SNAP91: variants seen among roughly 807,000 people sequenced by gnomAD.
The protein encoded by SNAP91 is clathrin coat assembly protein AP180.
SNAP91 carries 27 observed loss-of-function variants against 100.3 expected under a neutral mutation model. That is an observed-to-expected ratio of 0.27 (90% CI 0.20 to 0.37). The LOEUF (loss-of-function observed/expected upper bound fraction) is 0.37. Among genes scored for constraint, SNAP91 ranks in the 10% least tolerant of loss-of-function variants. The pLI is 1.00. For missense variants in SNAP91, 986 were observed against 1,123.7 expected, an observed-to-expected ratio of 0.88 and a Z score of 1.75; for synonymous variants, 404 against 398.6, an observed-to-expected ratio of 1.01 and a Z score of -0.16.
intron 7 of SNAP91, among the ~76,000 whole-genome samples, chr6:83,647,369 T>G (rs936661791): frequency 3.9e-5 from 6 of 152,202 alleles, no homozygotes; most frequent in African/African-American, 1.4e-4. Flanking sequence ...AAGTTCCCCA[T>G]CTATTCTTAG....
At chr6:83,651,809 T>A (rs1410779608) in intron 7 of SNAP91, among the ~76,000 whole-genome samples, 2 of 152,178 alleles carry the variant, frequency 1.3e-5, no homozygotes, top group Admixed American at 6.5e-5. Context: ...ATTTTCTGCC[T>A]CCTGAATCTG....
rs1017559267 is a variant in SNAP91 at position 83,607,713 on chromosome 6, C to T, written c.1008G>A (p.Ala336=). ...PPVDLFATAS[A]AVPVSTSKPS... ...TATTTACCAACCTGACTGGGACAGC[C>T]GCAGATGCAGTTGCAAATAAATCAA... The change falls in exon 13 of 30, where the codon GCG becomes GCA. Residue 336 remains alanine (A), a synonymous_variant. Coordinates refer to ENST00000369694, the MANE Select transcript of SNAP91 (RefSeq NM_001242792.2). The T allele has an allele frequency of 5.1e-6, 8 of 1,577,086 alleles. No individual in the cohort carries two copies. Among genetic ancestry groups the T allele is most frequent in the East Asian group, 2.3e-5 (1 of 43,378 alleles).
chr6:83,569,950 G>C (rs979168474), intron 26 of SNAP91, among the ~76,000 whole-genome samples: 1 of 151,988 alleles, frequency 6.6e-6, no homozygotes, highest in Non-Finnish European at 1.5e-5. Flanking sequence ...GGTATGTCTT[G>C]ATCAGCAGTG....
chr6:83,691,085 C>T (rs907407112), intron 2 of SNAP91, among the ~76,000 whole-genome samples: 2 of 151,982 alleles, frequency 1.3e-5, no homozygotes, highest in Admixed American at 6.6e-5. Flanking sequence ...AAATACATAA[C>T]AACACATATG....
intron 4 of SNAP91, among the ~76,000 whole-genome samples, 174 bp downstream of exon 4, chr6:83,662,173 T>C (rs971343494): frequency 2.0e-5 from 3 of 152,194 alleles, no homozygotes; most frequent in South Asian, 2.1e-4. Flanking sequence ...ACTTAATATA[T>C]ATTTTATATG....
chr6:83,634,025 A>C (rs959170496), intron 8 of SNAP91, among the ~76,000 whole-genome samples: 2 of 152,130 alleles, frequency 1.3e-5, no homozygotes, highest in Non-Finnish European at 2.9e-5. Flanking sequence ...TGGGTGCAGC[A>C]CACCAACATG....
chr6:83,688,047 C>T lies in SNAP91; in HGVS notation c.130+19751G>A, dbSNP rs114926453. On this transcript the variant is annotated intron_variant, in intron 2 of 29. Coordinates refer to ENST00000369694, the MANE Select transcript of SNAP91 (RefSeq NM_001242792.2). ...ATATTTTCAAACCCATGGAGGTTGA[C>T]TCCATTATGGGCCAAGATTAAAATA... 6.2e-3 allele frequency among the ~76,000 whole-genome samples: 951 copies of T among 152,232 alleles called. 9 individuals are homozygous for T. Among genetic ancestry groups the T allele is most frequent in the African/African-American group, 0.022 (911 of 41,532 alleles).
intron 7 of SNAP91, among the ~76,000 whole-genome samples, chr6:83,653,726 T>A (rs780907791): frequency 1.1e-4 from 16 of 152,152 alleles, no homozygotes; most frequent in Non-Finnish European, 2.1e-4. Flanking sequence ...TGTAAATAGG[T>A]CTTTATTAAT....
chr6:83,697,078 C>T (rs2099224234), intron 2 of SNAP91, among the ~76,000 whole-genome samples: 1 of 151,990 alleles, frequency 6.6e-6, no homozygotes, highest in African/African-American at 2.4e-5. Context: ...ATCTTGCCCC[C>T]TTTCCTTACT....
Position 83,652,096 on chromosome 6 carries a change from T to C in SNAP91, c.658+4658A>G, listed in dbSNP as rs930513071. Reference sequence around the variant, plus strand: ...TCTTAATTTATGTGTGTCTTTATATTTAAAGTAGATTTCCTATAGACAACA... The same window carrying C: ...TCTTAATTTATGTGTGTCTTTATATCTAAAGTAGATTTCCTATAGACAACA... On this transcript the variant is annotated intron_variant, in intron 7 of 29. Transcript: ENST00000369694. Among the ~76,000 whole-genome samples the C allele has an allele frequency of 2.0e-5, 3 of 152,192 alleles. No homozygotes were observed. In the East Asian group the frequency reaches 5.8e-4, roughly 29 times the overall value.
At chr6:83,558,037 T>C (rs1781431431) in intron 28 of SNAP91, among the ~76,000 whole-genome samples, 1 of 152,078 alleles carries the variant, frequency 6.6e-6, no homozygotes, top group African/African-American at 2.4e-5. Flanking sequence ...ATTGAAACAA[T>C]GTATTCCCAT....
At chr6:83,667,077 G>T (rs966300112) in intron 2 of SNAP91, among the ~76,000 whole-genome samples, 1 of 152,052 alleles carries the variant, frequency 6.6e-6, no homozygotes, top group East Asian at 1.9e-4. Flanking sequence ...ACATTGGAAG[G>T]TGTAAATAAC....
At chr6:83,698,231 C>G (rs938968627) in intron 2 of SNAP91, among the ~76,000 whole-genome samples, 4 of 147,050 alleles carry the variant, frequency 2.7e-5, no homozygotes, top group Non-Finnish European at 4.5e-5. Context: ...GGTGGACTAT[C>G]AAGGGAAAAA....
chr6:83,664,096 C>A (rs960476061), intron 3 of SNAP91, among the ~76,000 whole-genome samples: 6 of 152,022 alleles, frequency 3.9e-5, no homozygotes, highest in Non-Finnish European at 8.8e-5. Flanking sequence ...AGACTTACTG[C>A]TCAGAAAAAA....
chr6:83,687,197 T>C (rs1410237504), intron 2 of SNAP91, among the ~76,000 whole-genome samples: 7 of 152,164 alleles, frequency 4.6e-5, no homozygotes, highest in Non-Finnish European at 1.0e-4. Flanking sequence ...GGAGGATTTG[T>C]GGTAAAATAT....
At chr6:83,589,463 C>T (rs779427598) in intron 22 of SNAP91, among the ~76,000 whole-genome samples, 6 of 151,986 alleles carry the variant, frequency 3.9e-5, no homozygotes, top group Non-Finnish European at 7.4e-5. Context: ...AAAAATTAGC[C>T]CCCAAAATTA....
intron 11 of SNAP91, among the ~76,000 whole-genome samples, chr6:83,614,605 ATATT>A (rs1310648909): frequency 2.6e-5 from 4 of 152,134 alleles, no homozygotes; most frequent in African/African-American, 9.7e-5. Context: ...TCTGAGGAAT[ATATT>A]AATATAAATA....
rs1775623183 is a variant in SNAP91, at chr6:83,554,956, C to G, written c.*11-671G>C. Among the ~76,000 whole-genome samples the G allele has an allele frequency of 2.0e-5, 3 of 152,182 alleles. No individual in the cohort carries two copies. In the South Asian group the frequency reaches 6.2e-4, roughly 31 times the overall value. On this transcript the variant is annotated intron_variant, in intron 29 of 29. Coordinates refer to ENST00000369694, the MANE Select transcript of SNAP91 (RefSeq NM_001242792.2). ...TTTCTCTTTGTCTGTCTCTGTCTCTCTCAGGCAAGGACTGTCTCAAGCATA... is the reference window on the plus strand; with the variant it reads ...TTTCTCTTTGTCTGTCTCTGTCTCTGTCAGGCAAGGACTGTCTCAAGCATA...
At chr6:83,640,520 C>T (rs770347689) in intron 8 of SNAP91, among the ~76,000 whole-genome samples, 7 of 151,970 alleles carry the variant, frequency 4.6e-5, no homozygotes, top group Admixed American at 6.6e-5. Context: ...AGAGAAAATA[C>T]CAATTCACAA....
Sources: gnomAD v4.1 joint callset for allele counts (sites outside exome capture counted in the v4.1 genomes callset) on GRCh38, gnomAD v4.1.1 for gene constraint, MANE v1.5 for transcripts, NCBI Gene and HGNC (gene_info 2026-07-23, HGNC 2026-07-21) for gene names.